Variants in PPP1R42 observed in about 807,000 individuals in gnomAD.
The protein encoded by PPP1R42 is leucine rich repeat containing 67.
A neutral mutation model predicts 31.0 loss-of-function variants in PPP1R42; 34 were observed. The ratio of observed to expected loss-of-function variants is 1.10; its 90% CI spans 0.83 to 1.46. The LOEUF is 1.46. Ranked by LOEUF, PPP1R42 falls within the 40% of genes most tolerant of loss-of-function variation. The pLI, the probability that PPP1R42 is intolerant of heterozygous loss-of-function variation, is 0.00. For missense variants in PPP1R42, 268 were observed against 303.0 expected (o/e 0.88, Z 0.86); for synonymous variants, 103 against 109.8 (o/e 0.94, Z 0.39).
chr8:67,021,616 G>A (rs1432584133), intron 1 of PPP1R42, among the ~76,000 whole-genome samples: 1 of 151,992 alleles, frequency 6.6e-6, no homozygotes, highest in Non-Finnish European at 1.5e-5. Flanking sequence ...GGACCCACAG[G>A]TCAGCTTAAA....
At chr8:66,978,814 G>C (rs952237844) in intron 7 of PPP1R42, among the ~76,000 whole-genome samples, 4 of 152,172 alleles carry the variant, frequency 2.6e-5, no homozygotes, top group African/African-American at 9.7e-5. Flanking sequence ...ATGATTAAGT[G>C]ATATTGGGCA....
intron 5 of PPP1R42, among the ~76,000 whole-genome samples, chr8:66,999,152 G>A (rs1031740854): frequency 6.6e-6 from 1 of 152,054 alleles, no homozygotes; most frequent in Non-Finnish European, 1.5e-5. Flanking sequence ...CGACTTCCTG[G>A]GTTCATATGA....
At chr8:66,995,165 T>A (rs149117806) in intron 5 of PPP1R42, among the ~76,000 whole-genome samples, 4 of 152,258 alleles carry the variant, frequency 2.6e-5, no homozygotes, top group Admixed American at 2.0e-4. Context: ...AAGGAAAAAA[T>A]TAAAGCCAAA....
intron 1 of PPP1R42, among the ~76,000 whole-genome samples, chr8:67,021,772 ACT>A (rs1280049689): frequency 6.6e-6 from 1 of 152,130 alleles, no homozygotes; most frequent in Non-Finnish European, 1.5e-5. Flanking sequence ...CATATATAGT[ACT>A]GTTTTTCACA....
chr8:67,003,140 T>C (rs1438102857), intron 5 of PPP1R42, among the ~76,000 whole-genome samples: 1 of 129,778 alleles, frequency 7.7e-6, no homozygotes, highest in African/African-American at 3.0e-5. Flanking sequence ...CACTTCAGCC[T>C]GGGCAACAAG....
chr8:67,010,992 T>A (rs1815827684), intron 4 of PPP1R42, among the ~76,000 whole-genome samples, 161 bp from the exon 5 acceptor site: 1 of 152,196 alleles, frequency 6.6e-6, no homozygotes, highest in African/African-American at 2.4e-5. Flanking sequence ...TATTGCATTT[T>A]TTTTTCAGAT....
intron 5 of PPP1R42, among the ~76,000 whole-genome samples, chr8:66,992,783 T>A (rs192021502): frequency 6.6e-6 from 1 of 152,310 alleles, no homozygotes; most frequent in Admixed American, 6.5e-5. Flanking sequence ...TAGTCAAACT[T>A]CTGTTACCCT....
At chr8:67,003,834 T>A (rs1563426113) in intron 5 of PPP1R42, among the ~76,000 whole-genome samples, 1 of 152,200 alleles carries the variant, frequency 6.6e-6, no homozygotes, top group Non-Finnish European at 1.5e-5. Context: ...CTCACGCCTG[T>A]AATCCCAGCA....
rs375698381 is a variant in PPP1R42 at position 66,979,041 on chromosome 8, AG to A, written c.802+3007del. 2.6e-3 allele frequency among the ~76,000 whole-genome samples: 401 copies of A among 152,256 alleles called. 6 individuals are homozygous for A. The highest frequency in any genetic ancestry group is 9.2e-3 in the African/African-American group (383 of 41,544). ...CTCTTGATTGTTCCCTTTGCTGTGC[AG>A]AAGCTTTTTAGTTTGACATAATCCC... On this transcript the variant is annotated intron_variant, in intron 7 of 7. Transcript: ENST00000685739.
intron 7 of PPP1R42, among the ~76,000 whole-genome samples, chr8:66,979,187 C>A (rs1251873915): frequency 6.6e-6 from 1 of 152,054 alleles, no homozygotes; most frequent in Non-Finnish European, 1.5e-5. Flanking sequence ...AGTTTCAGGT[C>A]TTATATTTAG....
intron 6 of PPP1R42, among the ~76,000 whole-genome samples, chr8:66,983,228 G>T (rs1814900767): frequency 6.6e-6 from 1 of 151,858 alleles, no homozygotes; most frequent in African/African-American, 2.4e-5. Context: ...TATAAAATTG[G>T]AATCCTCTAT....
At chr8:67,022,738 A>G (rs1816261191) in intron 1 of PPP1R42, among the ~76,000 whole-genome samples, 1 of 152,108 alleles carries the variant, frequency 6.6e-6, no homozygotes, top group South Asian at 2.1e-4. Context: ...ATGAGAACCA[A>G]TTACCCCAGT....
chr8:66,975,805 A>G (rs1422010262), intron 7 of PPP1R42, among the ~76,000 whole-genome samples: 2 of 152,262 alleles, frequency 1.3e-5, no homozygotes, highest in East Asian at 1.9e-4. Flanking sequence ...CATATAATGT[A>G]TAGTGATCAA....
intron 7 of PPP1R42, among the ~76,000 whole-genome samples, chr8:66,964,699 A>G (rs1814333901): frequency 6.6e-6 from 1 of 152,174 alleles, no homozygotes; most frequent in Non-Finnish European, 1.5e-5. Context: ...TTGTTTTTAT[A>G]TATAAATGTT....
intron 1 of PPP1R42, among the ~76,000 whole-genome samples, chr8:67,019,366 G>A (rs1447661117): frequency 6.9e-6 from 1 of 144,196 alleles, no homozygotes. Flanking sequence ...TCAGGCTCCC[G>A]AGTAGCTGGG....
chr8:66,973,597 C>T (rs912465775), intron 7 of PPP1R42, among the ~76,000 whole-genome samples: 8 of 152,022 alleles, frequency 5.3e-5, no homozygotes, highest in South Asian at 2.1e-4. Flanking sequence ...TGAACCACCG[C>T]GCCCAGCCAA....
chr8:66,985,694 C>T, intron 6 of PPP1R42: 1 of 1,315,770 alleles, frequency 7.6e-7, no homozygotes. Context: ...GGAAGTTGCT[C>T]TGGTTGGGAG....
In PPP1R42 at chr8:66,980,325, C is replaced by T. The variant is rs191239641; in HGVS notation, c.802+1724G>A. ...CACTACAGCCTTGATCTCCCAGGCTCCAGTGATCCTCCTTCCTCAGCCTTC... is the reference window on the plus strand; with the variant it reads ...CACTACAGCCTTGATCTCCCAGGCTTCAGTGATCCTCCTTCCTCAGCCTTC... On this transcript the variant is annotated intron_variant, in intron 7 of 7. Coordinates refer to ENST00000685739, the MANE Select transcript of PPP1R42 (RefSeq NM_001364910.1). 1.9e-3 allele frequency among the ~76,000 whole-genome samples: 284 copies of T among 152,150 alleles called. 4 individuals are homozygous for T. The highest frequency in any genetic ancestry group is 6.6e-3 in the African/African-American group (273 of 41,508).
intron 7 of PPP1R42, among the ~76,000 whole-genome samples, chr8:66,975,121 G>A (rs1247481388): frequency 6.6e-6 from 1 of 152,178 alleles, no homozygotes; most frequent in Non-Finnish European, 1.5e-5. Flanking sequence ...TCATGAACAT[G>A]AGGTGTCTTT....
Sources: allele counts gnomAD v4.1 joint callset (sites outside exome capture counted in the v4.1 genomes callset), GRCh38; gene constraint gnomAD v4.1.1; transcripts MANE v1.5; gene names NCBI Gene and HGNC (gene_info 2026-07-23, HGNC 2026-07-21).